The following ADAMTS6 variants were observed in gnomAD, a reference collection of about 807,000 sequenced individuals.
ADAMTS6 encodes the protein A disintegrin and metalloproteinase with thrombospondin motifs 6.
In ADAMTS6, 23 loss-of-function variants were observed where a neutral mutation model predicts 144.3. The observed-to-expected ratio is 0.16, with a 90% CI of 0.11 to 0.23. The LOEUF (loss-of-function observed/expected upper bound fraction) is 0.23. Ranked by LOEUF, ADAMTS6 falls within the 10% of genes least tolerant of loss-of-function variation. The pLI, the probability that ADAMTS6 is intolerant of heterozygous loss-of-function variation, is 1.00. For missense variants in ADAMTS6, 999 were observed against 1,379.6 expected (o/e 0.72, Z 4.37); for synonymous variants, 444 against 457.5 (o/e 0.97, Z 0.38).
intron 14 of ADAMTS6, among the ~76,000 whole-genome samples, chr5:65,253,160 T>C (rs1457028359): frequency 2.0e-5 from 3 of 152,168 alleles, no homozygotes; most frequent in Non-Finnish European, 4.4e-5. Context: ...AGTGCTGGGA[T>C]TGATTACAGC....
chr5:65,445,088 A>C (rs944427814), intron 7 of ADAMTS6, among the ~76,000 whole-genome samples: 1 of 152,216 alleles, frequency 6.6e-6, no homozygotes, highest in Non-Finnish European at 1.5e-5. Context: ...AGTACAATAC[A>C]TCCTTCTTTA....
intron 24 of ADAMTS6, among the ~76,000 whole-genome samples, chr5:65,156,923 G>C (rs960110531): frequency 3.3e-5 from 5 of 152,298 alleles, no homozygotes; most frequent in African/African-American, 7.2e-5. Flanking sequence ...TTAACATTTT[G>C]TAAACCTAAT....
intron 9 of ADAMTS6, among the ~76,000 whole-genome samples, chr5:65,311,493 C>G (rs543507458): frequency 1.3e-5 from 2 of 152,032 alleles, no homozygotes; most frequent in Admixed American, 1.3e-4. Flanking sequence ...ATGATATTTT[C>G]CTTTGAAATG....
At chr5:65,411,050 C>T (rs566259078) in intron 7 of ADAMTS6, among the ~76,000 whole-genome samples, 5 of 152,212 alleles carry the variant, frequency 3.3e-5, no homozygotes, top group Admixed American at 2.0e-4. Context: ...GTTTCCCAGG[C>T]TGGTCTTGAA....
intron 11 of ADAMTS6, among the ~76,000 whole-genome samples, chr5:65,277,158 T>C (rs979867405): frequency 6.6e-6 from 1 of 152,200 alleles, no homozygotes; most frequent in Non-Finnish European, 1.5e-5. Flanking sequence ...TCTAATGTTA[T>C]GGGGTCAACT....
intron 7 of ADAMTS6, among the ~76,000 whole-genome samples, chr5:65,374,676 C>T (rs1237726582): frequency 6.6e-6 from 1 of 152,160 alleles, no homozygotes; most frequent in East Asian, 1.9e-4. Flanking sequence ...TGAAAATGGC[C>T]ATACTGCCCA....
chr5:65,374,571 C>A (rs1048953833), intron 7 of ADAMTS6, among the ~76,000 whole-genome samples: 4 of 151,806 alleles, frequency 2.6e-5, no homozygotes, highest in Non-Finnish European at 4.4e-5. Flanking sequence ...AAGACCTCTT[C>A]AAGGAGAACT....
At position 65,246,992 on chromosome 5, in the gene ADAMTS6, C is replaced by T. The variant is rs186315945; in HGVS notation, c.1831-4786G>A. Reference sequence around the variant, plus strand: ...TTAAAGAATAATGCTTTTTAAATTACTTAAGGATAATAAATGCTGACACTA... The same window carrying T: ...TTAAAGAATAATGCTTTTTAAATTATTTAAGGATAATAAATGCTGACACTA... On this transcript the variant is annotated intron_variant, in intron 14 of 24. Coordinates refer to ENST00000381055, the MANE Select transcript of ADAMTS6 (RefSeq NM_197941.4). Among the ~76,000 whole-genome samples the T allele has an allele frequency of 2.8e-3, 430 of 152,196 alleles. 2 individuals are homozygous for T. Among genetic ancestry groups the T allele is most frequent in the African/African-American group, 9.9e-3 (413 of 41,518 alleles).
At chr5:65,237,416 C>CAATAAAATAA (rs1471931746) in intron 15 of ADAMTS6, among the ~76,000 whole-genome samples, 8 of 50,860 alleles carry the variant, frequency 1.6e-4, no homozygotes, top group Non-Finnish European at 2.3e-4. Flanking sequence ...GAAAACTCCA[C>CAATAAAATAA]AAGAAAATAA....
At chr5:65,246,101 T>C (rs533856505) in intron 14 of ADAMTS6, among the ~76,000 whole-genome samples, 1 of 152,320 alleles carries the variant, frequency 6.6e-6, no homozygotes, top group African/African-American at 2.4e-5. Flanking sequence ...ACAATCTATA[T>C]AAACATCTAC....
chr5:65,325,492 C>A (rs1421010989), intron 9 of ADAMTS6, among the ~76,000 whole-genome samples: 1 of 141,812 alleles, frequency 7.1e-6, no homozygotes, highest in Non-Finnish European at 1.5e-5. Context: ...TTCAATATAG[C>A]TTTTTTTTTT....
At chr5:65,462,684 A>C (rs1435711255) in intron 3 of ADAMTS6, among the ~76,000 whole-genome samples, 1 of 152,170 alleles carries the variant, frequency 6.6e-6, no homozygotes, top group Non-Finnish European at 1.5e-5. Flanking sequence ...ATGCTTTCTC[A>C]AGTGCCTATC....
chr5:65,204,700 C>T (rs1755967137), intron 20 of ADAMTS6, among the ~76,000 whole-genome samples: 1 of 152,194 alleles, frequency 6.6e-6, no homozygotes, highest in South Asian at 2.1e-4. Context: ...TGAATGCAAA[C>T]CTTTGTTCTT....
intron 7 of ADAMTS6, among the ~76,000 whole-genome samples, chr5:65,360,396 G>A (rs958195880): frequency 6.6e-6 from 1 of 151,994 alleles, no homozygotes; most frequent in Non-Finnish European, 1.5e-5. Context: ...ATGAGATTTG[G>A]GTGGGAATAC....
intron 21 of ADAMTS6, among the ~76,000 whole-genome samples, chr5:65,194,058 G>T (rs1322607724): frequency 2.0e-5 from 3 of 151,608 alleles, no homozygotes; most frequent in Admixed American, 2.0e-4. Flanking sequence ...TTGCTTATCT[G>T]CCTATCACAT....
At chr5:65,160,215 G>T (rs1752668025) in intron 24 of ADAMTS6, among the ~76,000 whole-genome samples, 1 of 152,018 alleles carries the variant, frequency 6.6e-6, no homozygotes, top group Non-Finnish European at 1.5e-5. Flanking sequence ...CGTACTATGA[G>T]TCATGGGAAT....
At chr5:65,397,123 T>C (rs889882125) in intron 7 of ADAMTS6, among the ~76,000 whole-genome samples, 3 of 152,344 alleles carry the variant, frequency 2.0e-5, no homozygotes, top group Non-Finnish European at 2.9e-5. Flanking sequence ...TGTGAGAGCA[T>C]AGAGTTGTTC....
At chr5:65,314,465 A>G (rs1744797384) in intron 9 of ADAMTS6, among the ~76,000 whole-genome samples, 1 of 152,164 alleles carries the variant, frequency 6.6e-6, no homozygotes, top group African/African-American at 2.4e-5. Flanking sequence ...AAGAGAAGGG[A>G]GCAGAAAAGT....
intron 9 of ADAMTS6, among the ~76,000 whole-genome samples, chr5:65,311,545 T>C (rs1167383774): frequency 6.6e-6 from 1 of 152,156 alleles, no homozygotes; most frequent in East Asian, 1.9e-4. Flanking sequence ...GGTAAAAGCA[T>C]GCTATTATAA....
Sources: gnomAD v4.1 joint callset for allele counts (sites outside exome capture counted in the v4.1 genomes callset) on GRCh38, gnomAD v4.1.1 for gene constraint, MANE v1.5 for transcripts, NCBI Gene and HGNC (gene_info 2026-07-23, HGNC 2026-07-21) for gene names.